FOXN3: variants seen among roughly 807,000 people sequenced by gnomAD.
FOXN3 encodes forkhead box protein N3.
FOXN3 carries 7 observed loss-of-function variants against 38.4 expected under a neutral mutation model. The observed-to-expected ratio is 0.18, with a 90% CI of 0.10 to 0.34. FOXN3 has a LOEUF of 0.34. FOXN3 is among the 10% of genes least tolerant of loss of function. The pLI, the probability that FOXN3 is intolerant of heterozygous loss-of-function variation, is 1.00. For missense variants in FOXN3, 456 were observed against 613.4 expected, an observed-to-expected ratio of 0.74 and a Z score of 2.71; for synonymous variants, 230 against 242.2, an observed-to-expected ratio of 0.95 and a Z score of 0.47.
intron 4 of FOXN3, among the ~76,000 whole-genome samples, chr14:89,277,062 A>C (rs1886319933): frequency 6.6e-6 from 1 of 152,238 alleles, no homozygotes; most frequent in South Asian, 2.1e-4. Context: ...TGTTTTAATA[A>C]AGTAACCTAA....
chr14:89,360,755 CACCTCCACCACT>C lies in FOXN3; in HGVS notation c.544-9959_544-9948del, dbSNP rs1355670596. Among the ~76,000 whole-genome samples, 847 of 109,682 alleles carry C rather than the reference CACCTCCACCACT, an allele frequency of 7.7e-3. 10 individuals are homozygous for C. Among genetic ancestry groups the C allele is most frequent in the East Asian group, 0.018 (59 of 3,240 alleles). The allele number at this position is 109,682 out of a possible 152,430, so 72.0% of individuals were successfully genotyped here. On this transcript the variant is annotated intron_variant, in intron 2 of 5. Coordinates refer to ENST00000557258, the MANE Select transcript of FOXN3 (RefSeq NM_005197.4). Reference sequence around the variant, plus strand: ...CCACCTCCAGCACCACCTCCACCACCACCTCCACCACTACCACCTCCACCACCACCTCCACCA... The same window carrying C: ...CCACCTCCAGCACCACCTCCACCACCACCACCTCCACCACCACCTCCACCA...
chr14:89,171,120 T>TA (rs1887378425), intron 5 of FOXN3, among the ~76,000 whole-genome samples: 1 of 151,606 alleles, frequency 6.6e-6, no homozygotes. Context: ...AAATAAGGAA[T>TA]AAAAAAGGGA....
At chr14:89,499,011 G>A (rs905786678) in intron 1 of FOXN3, among the ~76,000 whole-genome samples, 1 of 152,164 alleles carries the variant, frequency 6.6e-6, no homozygotes, top group Non-Finnish European at 1.5e-5. Flanking sequence ...ATGAACCTCT[G>A]CCCATGATGA....
chr14:89,335,122 C>A (rs1367087614), intron 3 of FOXN3, among the ~76,000 whole-genome samples: 2 of 138,144 alleles, frequency 1.4e-5, no homozygotes, highest in Non-Finnish European at 3.1e-5. Context: ...CACACACACA[C>A]AAATGGTAAC....
At chr14:89,511,550 G>A (rs905479715) in intron 1 of FOXN3, among the ~76,000 whole-genome samples, 7 of 151,818 alleles carry the variant, frequency 4.6e-5, no homozygotes, top group Non-Finnish European at 1.0e-4. Flanking sequence ...CGACCTGCCT[G>A]GTTTATAACT....
chr14:89,540,046 G>A (rs569485225), intron 1 of FOXN3, among the ~76,000 whole-genome samples: 4 of 152,248 alleles, frequency 2.6e-5, no homozygotes, highest in South Asian at 4.1e-4. Flanking sequence ...CAGATATCAC[G>A]ATGCAACAGA....
chr14:89,164,234 G>A lies in FOXN3; in HGVS notation c.852-1265C>T, dbSNP rs1887181413. On this transcript the variant is annotated intron_variant, in intron 5 of 5. Coordinates refer to ENST00000557258, the MANE Select transcript of FOXN3 (RefSeq NM_005197.4). The surrounding 1 kb of genome is among the most constrained non-coding windows in gnomAD (Gnocchi z 4.3). Reference sequence around the variant, plus strand: ...CCTTCAGAAGGATGAATACTTGCAGGAGAGGAGGGTCACTTGTAGCTGAAG... The same window carrying A: ...CCTTCAGAAGGATGAATACTTGCAGAAGAGGAGGGTCACTTGTAGCTGAAG... Among the ~76,000 whole-genome samples, 1 of 152,186 alleles carries A rather than the reference G, an allele frequency of 6.6e-6. No homozygotes were observed. The highest frequency in any genetic ancestry group is 2.4e-5 in the African/African-American group (1 of 41,428).
At chr14:89,538,308 C>A (rs573351862) in intron 1 of FOXN3, among the ~76,000 whole-genome samples, 1 of 152,150 alleles carries the variant, frequency 6.6e-6, no homozygotes, top group African/African-American at 2.4e-5. Flanking sequence ...GTACCCAGAG[C>A]GCACAGATGG....
chr14:89,452,466 G>A (rs1892632644), intron 1 of FOXN3, among the ~76,000 whole-genome samples: 1 of 152,226 alleles, frequency 6.6e-6, no homozygotes, highest in African/African-American at 2.4e-5. Context: ...TGTGGACACA[G>A]GAGGTGCAGG....
At chr14:89,452,393 G>A (rs1461568005) in intron 1 of FOXN3, among the ~76,000 whole-genome samples, 3 of 152,146 alleles carry the variant, frequency 2.0e-5, no homozygotes, top group Non-Finnish European at 4.4e-5. Context: ...TCCCCAGCAC[G>A]CTGGGGAGGG....
At chr14:89,287,625 T>TTTCTC (rs10684402) in intron 3 of FOXN3, among the ~76,000 whole-genome samples, 150,903 of 152,134 alleles carry the variant, frequency 0.99, 74,854 homozygotes, top group East Asian at 1. Context: ...TAACTGCACT[T>TTTCTC]TTCCTTTTTT....
At chr14:89,290,328 C>T in intron 3 of FOXN3, 1 of 374,290 alleles carries the variant, frequency 2.7e-6, no homozygotes, top group Non-Finnish European at 5.3e-6. Context: ...ATCTCACAGT[C>T]TAATGCATCT....
chr14:89,394,791 G>GA (rs1891060620), intron 2 of FOXN3, among the ~76,000 whole-genome samples: 1 of 152,322 alleles, frequency 6.6e-6, no homozygotes, highest in African/African-American at 2.4e-5. Flanking sequence ...GAAATGGTCA[G>GA]AAGAGCTAGA....
At chr14:89,348,336 A>G (rs1319307265) in intron 3 of FOXN3, among the ~76,000 whole-genome samples, 1 of 152,090 alleles carries the variant, frequency 6.6e-6, no homozygotes. Flanking sequence ...TTTCACTTCC[A>G]TCTTCTCTAG....
chr14:89,317,304 C>A (rs1887748537), intron 3 of FOXN3, among the ~76,000 whole-genome samples: 1 of 152,138 alleles, frequency 6.6e-6, no homozygotes, highest in Non-Finnish European at 1.5e-5. Flanking sequence ...CTCAGTGATG[C>A]CAGCTTCAGG....
chr14:89,243,627 T>G (rs899012086), intron 4 of FOXN3, among the ~76,000 whole-genome samples: 1 of 152,210 alleles, frequency 6.6e-6, no homozygotes, highest in African/African-American at 2.4e-5. Flanking sequence ...AATGCTGCCC[T>G]TTCATTTTCT....
chr14:89,481,053 T>C (rs1893316108), intron 1 of FOXN3, among the ~76,000 whole-genome samples: 1 of 151,928 alleles, frequency 6.6e-6, no homozygotes, highest in African/African-American at 2.4e-5. Flanking sequence ...TTTGATAATA[T>C]TCTGCACATA....
At chr14:89,190,492 CGG>C in intron 4 of FOXN3, 1 of 1,533,718 alleles carries the variant, frequency 6.5e-7, no homozygotes, top group Non-Finnish European at 9.0e-7. Context: ...ACAACGGGGC[CGG>C]TGTGTGTGTG....
intron 1 of FOXN3, among the ~76,000 whole-genome samples, chr14:89,499,894 TTTTG>T (rs148222940): frequency 0.038 from 5,816 of 152,082 alleles, 352 homozygotes; most frequent in African/African-American, 0.13. Flanking sequence ...GGCTTGGGTT[TTTTG>T]TTTGTTTGTT....
Sources: allele counts gnomAD v4.1 joint callset (sites outside exome capture counted in the v4.1 genomes callset), GRCh38; gene constraint gnomAD v4.1.1; non-coding constraint Gnocchi (gnomAD v3.1); transcripts MANE v1.5; gene names NCBI Gene and HGNC (gene_info 2026-07-23, HGNC 2026-07-21).